Variants in NBAS observed in about 807,000 individuals in gnomAD.
NBAS encodes NBAS subunit of NRZ tethering complex, also known as NAG/BC035112 fusion.
A neutral mutation model predicts 302.5 loss-of-function variants in NBAS; 219 were observed. The ratio of observed to expected loss-of-function variants is 0.72; its 90% CI spans 0.65 to 0.81. The LOEUF (loss-of-function observed/expected upper bound fraction) is 0.81. NBAS is among the 30% of genes least tolerant of loss of function. The pLI, the probability that NBAS is intolerant of heterozygous loss-of-function variation, is 0.00. For synonymous variants in NBAS, 1,118 were observed against 1,021.6 expected, an observed-to-expected ratio of 1.09 and a Z score of -1.80; for missense variants, 2,932 against 2,841.6, an observed-to-expected ratio of 1.03 and a Z score of -0.72.
At chr2:15,181,165 C>T (rs942108145) in intron 50 of NBAS, among the ~76,000 whole-genome samples, 4 of 152,208 alleles carry the variant, frequency 2.6e-5, no homozygotes, top group Non-Finnish European at 4.4e-5. Flanking sequence ...TCTGAACACA[C>T]ATTTGCTCAC....
intron 9 of NBAS, among the ~76,000 whole-genome samples, chr2:15,518,437 C>T (rs1455519854): frequency 6.6e-6 from 1 of 151,982 alleles, no homozygotes; most frequent in African/African-American, 2.4e-5. Flanking sequence ...ACCATTACAT[C>T]CTCAAATATA....
chr2:15,553,632 G>A (rs138774271), intron 4 of NBAS, among the ~76,000 whole-genome samples, 159 bp from the exon 5 acceptor site: 133 of 152,186 alleles, frequency 8.7e-4, no homozygotes, highest in African/African-American at 3.1e-3. Flanking sequence ...TGAGGATACA[G>A]GTACAAAAGC....
At chr2:15,144,067 A>ATATTAT in the NBAS span, among the ~76,000 whole-genome samples, 1 of 115,828 alleles carries the variant, frequency 8.6e-6, no homozygotes. Context: ...ATATATATAT[A>ATATTAT]TCTCCCATTA....
chr2:15,069,167 A>C, the NBAS span, among the ~76,000 whole-genome samples: 91 of 152,324 alleles, frequency 6.0e-4, no homozygotes, highest in Middle Eastern at 3.4e-3. Context: ...TTAAATTTCA[A>C]CGTGACTTTT....
chr2:14,930,518 T>A, the NBAS span, among the ~76,000 whole-genome samples: 1 of 152,208 alleles, frequency 6.6e-6, no homozygotes, highest in Non-Finnish European at 1.5e-5. Context: ...AAATGATATC[T>A]GATAGAACAG....
intron 12 of NBAS, among the ~76,000 whole-genome samples, chr2:15,482,192 G>A (rs563046846): frequency 3.3e-5 from 5 of 152,230 alleles, no homozygotes; most frequent in East Asian, 1.9e-4. Flanking sequence ...GTGCAGTGGC[G>A]TGGTCACGGC....
the NBAS span, among the ~76,000 whole-genome samples, chr2:14,924,291 C>G: frequency 6.6e-6 from 1 of 152,148 alleles, no homozygotes; most frequent in South Asian, 2.1e-4. Flanking sequence ...TCAACATCCC[C>G]AAAAATATAT....
the NBAS span, among the ~76,000 whole-genome samples, chr2:15,096,608 T>C: frequency 6.6e-6 from 1 of 152,108 alleles, no homozygotes; most frequent in Non-Finnish European, 1.5e-5. Context: ...CTCGGACAAA[T>C]GGGTTCAAAG....
intron 21 of NBAS, among the ~76,000 whole-genome samples, chr2:15,441,001 C>A (rs550965374): frequency 1.3e-5 from 2 of 152,214 alleles, no homozygotes; most frequent in East Asian, 3.9e-4. Context: ...AAATATGGGA[C>A]TATGTGAAAA....
At chr2:15,119,486 G>A in the NBAS span, among the ~76,000 whole-genome samples, 262 of 151,862 alleles carry the variant, frequency 1.7e-3, no homozygotes, top group Admixed American at 0.01. Context: ...GACTACAGGC[G>A]CCTGCCACCA....
the NBAS span, among the ~76,000 whole-genome samples, chr2:15,045,797 C>T: frequency 6.6e-6 from 1 of 152,198 alleles, no homozygotes; most frequent in Admixed American, 6.5e-5. Context: ...TATTGTTTTC[C>T]ATATGGCTAT....
chr2:15,286,201 A>T (rs1194608372), intron 42 of NBAS, among the ~76,000 whole-genome samples: 1 of 152,102 alleles, frequency 6.6e-6, no homozygotes, highest in Non-Finnish European at 1.5e-5. Context: ...CTGTACTTCA[A>T]ATCCCTTCTC....
chr2:14,952,964 T>C, the NBAS span, among the ~76,000 whole-genome samples: 7 of 152,004 alleles, frequency 4.6e-5, no homozygotes, highest in Non-Finnish European at 7.4e-5. Flanking sequence ...AGACATGATG[T>C]TTAAGGTAGA....
chr2:15,538,618 T>C (rs1663637549), intron 7 of NBAS, among the ~76,000 whole-genome samples: 1 of 152,124 alleles, frequency 6.6e-6, no homozygotes, highest in Non-Finnish European at 1.5e-5. Flanking sequence ...TGTATCTCGT[T>C]CAGTTGATGA....
At chr2:14,825,224 A>G in the NBAS span, among the ~76,000 whole-genome samples, 1 of 152,148 alleles carries the variant, frequency 6.6e-6, no homozygotes, top group Non-Finnish European at 1.5e-5. Context: ...GGGCAGACCC[A>G]CGATGGGGCT....
the NBAS span, among the ~76,000 whole-genome samples, chr2:14,973,648 A>G: frequency 2.0e-5 from 3 of 152,212 alleles, no homozygotes; most frequent in Non-Finnish European, 2.9e-5. Flanking sequence ...AAAATGAACA[A>G]ACAGGATAAA....
chr2:15,243,819 A>G (rs1292333344), intron 44 of NBAS, among the ~76,000 whole-genome samples: 7 of 152,138 alleles, frequency 4.6e-5, no homozygotes, highest in Non-Finnish European at 8.8e-5. Flanking sequence ...ATACTGGGTT[A>G]AAAAACAAAC....
chr2:15,467,147 T>C (rs963625480), intron 19 of NBAS, among the ~76,000 whole-genome samples, 182 bp downstream of exon 19: 2 of 152,206 alleles, frequency 1.3e-5, no homozygotes, highest in Non-Finnish European at 2.9e-5. Context: ...AAACAACTTC[T>C]GGCTTTCACA....
intron 50 of NBAS, among the ~76,000 whole-genome samples, chr2:15,185,025 C>A (rs553788730): frequency 1.3e-5 from 2 of 152,258 alleles, no homozygotes; most frequent in South Asian, 4.1e-4. Context: ...AACATTTATA[C>A]AATTGTATGA....
Sources: gnomAD v4.1 joint callset for allele counts (sites outside exome capture counted in the v4.1 genomes callset) on GRCh38, gnomAD v4.1.1 for gene constraint, MANE v1.5 for transcripts, NCBI Gene and HGNC (gene_info 2026-07-23, HGNC 2026-07-21) for gene names.